The following OTOGL variants were observed in gnomAD, a reference collection of about 807,000 sequenced individuals.
The protein encoded by OTOGL is otogelin like.
OTOGL carries 285 observed loss-of-function variants against 318.5 expected under a neutral mutation model. That is an observed-to-expected ratio of 0.89 (90% CI 0.81 to 0.99). The LOEUF is 0.99. Ranked by LOEUF, OTOGL falls within the 50% of genes least tolerant of loss-of-function variation. The probability of loss-of-function intolerance (pLI) is 0.00; values close to 1 mark genes in which losing one functional copy is unlikely to be tolerated. For missense variants in OTOGL, 2,899 were observed against 2,845.6 expected (o/e 1.02, Z -0.43); for synonymous variants, 987 against 936.5 (o/e 1.05, Z -0.99).
intron 30 of OTOGL, among the ~76,000 whole-genome samples, chr12:80,312,276 C>T (rs943321614): frequency 6.6e-6 from 1 of 152,002 alleles, no homozygotes; most frequent in African/African-American, 2.4e-5. Flanking sequence ...TACGATAGAC[C>T]GGATGAAGAA....
intron 1 of OTOGL, among the ~76,000 whole-genome samples, chr12:80,176,974 T>G (rs1337946403): frequency 6.6e-6 from 1 of 152,156 alleles, no homozygotes; most frequent in African/African-American, 2.4e-5. Context: ...CATCTGTTCA[T>G]GTGCTTGTCA....
At chr12:80,218,713 G>T (rs1295951371) in intron 5 of OTOGL, among the ~76,000 whole-genome samples, 1 of 150,428 alleles carries the variant, frequency 6.6e-6, no homozygotes, top group African/African-American at 2.4e-5. Flanking sequence ...ATGAAAGAAA[G>T]AATATTTTTG....
intron 14 of OTOGL, among the ~76,000 whole-genome samples, 189 bp from the exon 15 acceptor site, chr12:80,254,335 G>C (rs886078478): frequency 2.7e-5 from 4 of 149,754 alleles, no homozygotes; most frequent in African/African-American, 9.8e-5. Context: ...AACTTATGCA[G>C]AGATGATTTT....
chr12:80,294,127 A>G (rs956994002), intron 26 of OTOGL, among the ~76,000 whole-genome samples: 2 of 152,092 alleles, frequency 1.3e-5, no homozygotes, highest in African/African-American at 2.4e-5. Flanking sequence ...TGTCATTATT[A>G]CTATGTTGCT....
chr12:80,317,088 T>G (rs1887019853), intron 32 of OTOGL, among the ~76,000 whole-genome samples: 1 of 152,206 alleles, frequency 6.6e-6, no homozygotes, highest in Admixed American at 6.6e-5. Flanking sequence ...TTCATTTATA[T>G]GACTTTTACT....
intron 1 of OTOGL, among the ~76,000 whole-genome samples, chr12:80,144,076 T>C (rs1269956046): frequency 6.6e-6 from 1 of 151,902 alleles, no homozygotes; most frequent in Non-Finnish European, 1.5e-5. Flanking sequence ...ATTATTATAC[T>C]TTAAGTTTTA....
intron 1 of OTOGL, among the ~76,000 whole-genome samples, chr12:80,102,631 AT>A (rs1301669247): frequency 6.6e-6 from 1 of 151,922 alleles, no homozygotes; most frequent in Non-Finnish European, 1.5e-5. Context: ...CTTCCCTTCA[AT>A]TTTCCCCCAC....
chr12:80,348,781 A>G (rs1363593201), intron 44 of OTOGL, among the ~76,000 whole-genome samples: 1 of 152,084 alleles, frequency 6.6e-6, no homozygotes, highest in African/African-American at 2.4e-5. Flanking sequence ...TAATATTACA[A>G]GCTCTCTTAA....
chr12:80,138,964 ACCTTTT>A (rs1431151248), intron 1 of OTOGL, among the ~76,000 whole-genome samples: 1 of 152,094 alleles, frequency 6.6e-6, no homozygotes, highest in Non-Finnish European at 1.5e-5. Flanking sequence ...TCTTCCAACT[ACCTTTT>A]ACTGTGTCCT....
intron 1 of OTOGL, among the ~76,000 whole-genome samples, chr12:80,153,607 T>C (rs1475171936): frequency 1.3e-5 from 2 of 152,206 alleles, no homozygotes; most frequent in South Asian, 2.1e-4. Context: ...TGTTATACAC[T>C]CTATGGGTTT....
Position 80,222,169 on chromosome 12 carries a change from A to C in OTOGL, c.413A>C (p.Tyr138Ser), listed in dbSNP as rs781195737. ...CATTTTGAAACATTCGATGGCATCT[A>C]CTATTACTTCCCAGGAAACTGTTCT... ...QYHFETFDGI[Y>S]YYFPGNCSYI... Residue 138 changes from tyrosine to serine, a missense_variant, in exon 7 of 59, where the codon TAC (tyrosine) becomes TCC (serine). Physicochemically the swap from Tyr to Ser is moderately radical, Grantham distance 144 (BLOSUM62 -2). Coordinates refer to ENST00000547103, the MANE Select transcript of OTOGL (RefSeq NM_001378609.3). 16 of 1,597,758 alleles carry C rather than the reference A, an allele frequency of 1.0e-5. No individual in the cohort carries two copies. Among genetic ancestry groups the C allele is most frequent in the Non-Finnish European group, 1.4e-5 (16 of 1,178,258 alleles).
At position 80,118,646 on chromosome 12, in the gene OTOGL, G is replaced by A. The variant is rs149213081; in HGVS notation, c.-20+19041G>A. Among the ~76,000 whole-genome samples the A allele has an allele frequency of 3.6e-3, 541 of 152,260 alleles. 2 individuals are homozygous for A. The highest frequency in any genetic ancestry group is 3.6e-3 in the Non-Finnish European group (248 of 68,006). On this transcript the variant is annotated intron_variant, in intron 1 of 58. Coordinates refer to ENST00000547103, the MANE Select transcript of OTOGL (RefSeq NM_001378609.3). ...ATTGACACCATTTCAAACAGCATTTGCTTTATTTGGGTGGAGTTTTTTTCC... is the reference window on the plus strand; with the variant it reads ...ATTGACACCATTTCAAACAGCATTTACTTTATTTGGGTGGAGTTTTTTTCC...
At position 80,222,213 on chromosome 12, in the gene OTOGL, T is replaced by TCCAA. The variant is rs1878415363; in HGVS notation, c.457_458insCCAA (p.Cys153SerfsTer4). 2 of 1,597,692 alleles carry TCCAA rather than the reference T, an allele frequency of 1.3e-6. No homozygotes were observed. Among genetic ancestry groups the TCCAA allele is most frequent in the Non-Finnish European group, 1.7e-6 (2 of 1,178,372 alleles). On this transcript the variant is annotated frameshift_variant, in exon 7 of 59. Coordinates refer to ENST00000547103, the MANE Select transcript of OTOGL (RefSeq NM_001378609.3). LOFTEE classifies it high-confidence loss of function. Reference sequence around the variant, plus strand: ...CTGTTCTTACATTTTTGCAAAGGACTGTGGTGATTTGGAGCCTCGGTACAC... The same window carrying TCCAA: ...CTGTTCTTACATTTTTGCAAAGGACTCCAAGTGGTGATTTGGAGCCTCGGTACAC...
chr12:80,127,615 C>A (rs558271589), intron 1 of OTOGL, among the ~76,000 whole-genome samples: 83 of 152,272 alleles, frequency 5.5e-4, no homozygotes, highest in Non-Finnish European at 1.6e-4. Context: ...AGTTCTCCTG[C>A]ATAATATCCT....
intron 52 of OTOGL, among the ~76,000 whole-genome samples, chr12:80,362,627 T>A (rs1890303841): frequency 6.6e-6 from 1 of 152,174 alleles, no homozygotes; most frequent in Non-Finnish European, 1.5e-5. Flanking sequence ...ATTTCTTAAA[T>A]TATTTTGTTA....
At chr12:80,148,697 G>C (rs551480355) in intron 1 of OTOGL, among the ~76,000 whole-genome samples, 2 of 152,290 alleles carry the variant, frequency 1.3e-5, no homozygotes, top group South Asian at 4.1e-4. Flanking sequence ...ACACGAATCA[G>C]ATGTAGATTT....
chr12:80,356,716 GTTAT>G (rs1247540195), intron 48 of OTOGL, 87 bp from the exon 49 acceptor site: 8 of 718,900 alleles, frequency 1.1e-5, no homozygotes, highest in Admixed American at 3.7e-5. Flanking sequence ...TTTAAAATAA[GTTAT>G]TTATTACTAA....
chr12:80,138,346 T>C (rs1871712536), intron 1 of OTOGL, among the ~76,000 whole-genome samples: 2 of 152,196 alleles, frequency 1.3e-5, no homozygotes, highest in Non-Finnish European at 2.9e-5. Flanking sequence ...ATAATATCTC[T>C]AATAAAGCTG....
chr12:80,313,629 T>G lies in OTOGL; in HGVS notation c.3604T>G (p.Cys1202Gly). 1 of 1,609,664 alleles carries G rather than the reference T, an allele frequency of 6.2e-7. No individual in the cohort carries two copies. Among genetic ancestry groups the G allele is most frequent in the Non-Finnish European group, 8.5e-7 (1 of 1,176,936 alleles). Residue 1202 changes from cysteine (C) to glycine (G), a missense_variant, in exon 31 of 59, where the codon TGT becomes GGT. Around this residue, in one of 3 missense-constraint regions of OTOGL, gnomAD observed 2,607 missense variants for 2,524.9 expected, o/e 1.03. Coordinates refer to ENST00000547103, the MANE Select transcript of OTOGL (RefSeq NM_001378609.3). ...ISIHWRSSTV[C>G]SLDCEYYNEG... ...AATTCATTGGAGATCATCTACTGTTTGTTGTAAGTACCCTACTTAGAACAT... is the reference window on the plus strand; with the variant it reads ...AATTCATTGGAGATCATCTACTGTTGGTTGTAAGTACCCTACTTAGAACAT...
Sources: gnomAD v4.1 joint callset for allele counts (sites outside exome capture counted in the v4.1 genomes callset) on GRCh38, gnomAD v4.1.1 for gene constraint, gnomAD v4.1.1 regional missense constraint, MANE v1.5 for transcripts, NCBI Gene and HGNC (gene_info 2026-07-23, HGNC 2026-07-21) for gene names.